Variants in OR6C74 observed in about 807,000 individuals in gnomAD.
OR6C74 encodes olfactory receptor family 6 subfamily C member 74, also known as olfactory receptor 6C74.
For synonymous variants in OR6C74, 142 were observed against 134.2 expected, an observed-to-expected ratio of 1.06 and a Z score of -0.40; for missense variants, 361 against 362.9, an observed-to-expected ratio of 0.99 and a Z score of 0.04.
At position 55,251,162 on chromosome 12, in the gene OR6C74, T is replaced by C. The variant is rs1954308989; in HGVS notation, c.*2936T>C. Among the ~76,000 whole-genome samples the C allele has an allele frequency of 6.6e-6, 1 of 152,200 alleles. No homozygotes were observed. Among genetic ancestry groups the C allele is most frequent in the Middle Eastern group, 3.4e-3 (1 of 294 alleles). Reference sequence around the variant, plus strand: ...GATGTAACCACACTAAACAACTAAGTATATTGCAAAACTTGTGTGCTGTCA... The same window carrying C: ...GATGTAACCACACTAAACAACTAAGCATATTGCAAAACTTGTGTGCTGTCA... On this transcript the variant is annotated 3_prime_UTR_variant, in exon 2 of 2. Transcript: ENST00000343399.
At position 55,255,212 on chromosome 12, in the gene OR6C74, CTGAT is replaced by C. The variant is rs544839380; in HGVS notation, c.*6989_*6992del. ...CAGGATTTCACAGTTGTGTTACAGA[CTGAT>C]TGTGTCTGCTCTACCCATGGAGCCC... On this transcript the variant is annotated 3_prime_UTR_variant, in exon 2 of 2. Transcript: ENST00000343399. 2.8e-3 allele frequency among the ~76,000 whole-genome samples: 427 copies of C among 152,178 alleles called. 2 individuals carry two copies. The highest frequency in any genetic ancestry group is 9.7e-3 in the African/African-American group (404 of 41,550).
In OR6C74 at chr12:55,250,296, G is replaced by A. The variant is rs187530904; in HGVS notation, c.*2070G>A. ...AACTCTAAGCTCAGCTCTTTTTAAAGTCTAATATATAGGTAAATCCATAAA... is the reference window on the plus strand; with the variant it reads ...AACTCTAAGCTCAGCTCTTTTTAAAATCTAATATATAGGTAAATCCATAAA... On this transcript the variant is annotated 3_prime_UTR_variant, in exon 2 of 2. Transcript: ENST00000343399. Among the ~76,000 whole-genome samples the A allele has an allele frequency of 1.2e-4, 19 of 152,082 alleles. No individual in the cohort carries two copies. The highest frequency in any genetic ancestry group is 4.6e-4 in the African/African-American group (19 of 41,494).
chr12:55,247,684 A>C lies in OR6C74; in HGVS notation c.397A>C (p.Ile133Leu). ...CTGCAAACCCCTGCATTACACCACC[A>C]TCATGAGCAGCAGAGTTTGCAGCTT... ...AICKPLHYTTIMSSRVCSLLV... is the reference protein window; with the variant it reads ...AICKPLHYTTLMSSRVCSLLV... Residue 133 changes from isoleucine (I) to leucine (L), a missense_variant, in exon 2 of 2, where the codon ATC (isoleucine) becomes CTC (leucine). Coordinates refer to ENST00000343399, the MANE Select transcript of OR6C74 (RefSeq NM_001005490.2). The C allele has an allele frequency of 6.2e-7, 1 of 1,614,106 alleles. No individual in the cohort carries two copies. The highest frequency in any genetic ancestry group is 8.5e-7 in the Non-Finnish European group (1 of 1,180,002).
rs1028538948 is a variant in OR6C74 at position 55,255,596 on chromosome 12, T to C, written c.*7370T>C. Among the ~76,000 whole-genome samples, 4 of 152,132 alleles carry C rather than the reference T, an allele frequency of 2.6e-5. No homozygotes were observed. The highest frequency in any genetic ancestry group is 5.9e-5 in the Non-Finnish European group (4 of 68,022). ...AAGAAAATGTGGTACATATACACCA[T>C]GGAACACTATAAAATATACATCCAT... On this transcript the variant is annotated 3_prime_UTR_variant, in exon 2 of 2. Transcript: ENST00000343399.
At chr12:55,246,311 T>A (rs143644262) in intron 1 of OR6C74, among the ~76,000 whole-genome samples, 288 of 152,308 alleles carry the variant, frequency 1.9e-3, no homozygotes, top group Middle Eastern at 0.01. Flanking sequence ...TGCAGAGCAG[T>A]GACACTAATG....
rs758538521 is a variant in OR6C74, at chr12:55,253,728, T to C, written c.*5502T>C. Among the ~76,000 whole-genome samples the C allele has an allele frequency of 1.8e-4, 28 of 152,096 alleles. No individual in the cohort carries two copies. Among genetic ancestry groups the C allele is most frequent in the Non-Finnish European group, 3.5e-4 (24 of 67,970 alleles). On this transcript the variant is annotated 3_prime_UTR_variant, in exon 2 of 2. Transcript: ENST00000343399. ...TGTTTCATTGATTTCACTGTACGAT[T>C]TTCTTGGGAAAGGACCACATATCTA...
In OR6C74 at chr12:55,255,866, G is replaced by A. The variant is rs368987520; in HGVS notation, c.*7640G>A. Among the ~76,000 whole-genome samples the A allele has an allele frequency of 1.7e-4, 26 of 152,070 alleles. No homozygotes were observed. Among genetic ancestry groups the A allele is most frequent in the Admixed American group, 5.9e-4 (9 of 15,260 alleles). On this transcript the variant is annotated 3_prime_UTR_variant, in exon 2 of 2. Transcript: ENST00000343399. The stretch of plus-strand genomic sequence containing the variant: ...TGGTAGAGATAAATTTATAGAGAAA[G>A]TAACATATCAGTGGTTGCCAGGACT...
Position 55,248,047 on chromosome 12 carries a change from A to G in OR6C74, c.760A>G (p.Ile254Val). The G allele has an allele frequency of 1.2e-6, 2 of 1,614,122 alleles. No individual in the cohort carries two copies. Among genetic ancestry groups the G allele is most frequent in the Non-Finnish European group, 1.7e-6 (2 of 1,179,996 alleles). The change falls in exon 2 of 2, where the codon ATC becomes GTC. Residue 254 changes from isoleucine (I) to valine (V), a missense_variant. Transcript: ENST00000343399. The part of the protein sequence containing the change: ...VVVSISYGSC[I>V]FMYVKPSAKE... ...CGTGTCCATTTCTTATGGCAGCTGCATCTTCATGTATGTGAAACCCTCAGC... is the reference window on the plus strand; with the variant it reads ...CGTGTCCATTTCTTATGGCAGCTGCGTCTTCATGTATGTGAAACCCTCAGC...
rs539231084 is a variant in OR6C74 at position 55,250,009 on chromosome 12, G to C, written c.*1783G>C. On this transcript the variant is annotated 3_prime_UTR_variant, in exon 2 of 2. Transcript: ENST00000343399. ...CTATGAGTGACAACATGCGGTGTTT[G>C]GTTTTTTGTCCTTGCGATAGCTTGC... Among the ~76,000 whole-genome samples, 36 of 151,990 alleles carry C rather than the reference G, an allele frequency of 2.4e-4. No individual in the cohort carries two copies. The highest frequency in any genetic ancestry group is 4.3e-4 in the Non-Finnish European group (29 of 67,980).
chr12:55,245,214 A>G (rs1954263204), intron 1 of OR6C74, among the ~76,000 whole-genome samples: 1 of 152,138 alleles, frequency 6.6e-6, no homozygotes, highest in African/African-American at 2.4e-5. Context: ...AGTGTGTTAT[A>G]AGAAAGCTTT....
rs922702358 is a variant in OR6C74, at chr12:55,249,231, A to G, written c.*1005A>G. On this transcript the variant is annotated 3_prime_UTR_variant, in exon 2 of 2. Coordinates refer to ENST00000343399, the MANE Select transcript of OR6C74 (RefSeq NM_001005490.2). ...AGTGGTTTGAACATTAAAATTAGAT[A>G]TAATGACTGATCATGTGCAGAGTAT... is the stretch of plus-strand genomic sequence containing the variant. Among the ~76,000 whole-genome samples, 9 of 152,156 alleles carry G rather than the reference A, an allele frequency of 5.9e-5. No homozygotes were observed. The highest frequency in any genetic ancestry group is 2.2e-4 in the African/African-American group (9 of 41,436).
Position 55,255,850 on chromosome 12 carries a change from T to C in OR6C74, c.*7624T>C, listed in dbSNP as rs118042071. ...CATTTATATAATATTCTGGTAGAGA[T>C]AAATTTATAGAGAAAGTAACATATC... On this transcript the variant is annotated 3_prime_UTR_variant, in exon 2 of 2. Coordinates refer to ENST00000343399, the MANE Select transcript of OR6C74 (RefSeq NM_001005490.2). Among the ~76,000 whole-genome samples the C allele has an allele frequency of 6.5e-3, 991 of 152,218 alleles. 5 individuals are homozygous for C. Among genetic ancestry groups the C allele is most frequent in the Admixed American group, 0.011 (166 of 15,280 alleles).
rs561870586 is a variant in OR6C74 at position 55,249,628 on chromosome 12, T to G, written c.*1402T>G. On this transcript the variant is annotated 3_prime_UTR_variant, in exon 2 of 2. Coordinates refer to ENST00000343399, the MANE Select transcript of OR6C74 (RefSeq NM_001005490.2). ...CAAATAGACTTTTCAATAGTGGTCA[T>G]GTATGTGTAAATGGTTTTTATAATA... Among the ~76,000 whole-genome samples, 2 of 152,106 alleles carry G rather than the reference T, an allele frequency of 1.3e-5. No homozygotes were observed. The highest frequency in any genetic ancestry group is 4.8e-5 in the African/African-American group (2 of 41,434).
Position 55,252,627 on chromosome 12 carries a change from T to C in OR6C74, c.*4401T>C, listed in dbSNP as rs1037622078. ...GAATTTCAAACAGTCAATTTCCAAA[T>C]TTCTCTTTTAATTCAACTTTCTTTT... is the stretch of plus-strand genomic sequence containing the variant. On this transcript the variant is annotated 3_prime_UTR_variant, in exon 2 of 2. Coordinates refer to ENST00000343399, the MANE Select transcript of OR6C74 (RefSeq NM_001005490.2). Among the ~76,000 whole-genome samples the C allele has an allele frequency of 6.6e-6, 1 of 151,936 alleles. No individual in the cohort carries two copies. The highest frequency in any genetic ancestry group is 6.6e-5 in the Admixed American group (1 of 15,234).
chr12:55,245,370 A>G (rs1211903339), intron 1 of OR6C74, among the ~76,000 whole-genome samples: 1 of 152,154 alleles, frequency 6.6e-6, no homozygotes, highest in Non-Finnish European at 1.5e-5. Context: ...TAGTCTTTGT[A>G]AACATTGTGA....
Position 55,247,314 on chromosome 12 carries a change from C to G in OR6C74, c.27C>G (p.Asn9Lys). ...TGAGAAACCATACAACAGTAGCAAA[C>G]TTTATTCTTCTTGGACTGACAGATG... Reference protein sequence around the residue: MRNHTTVANFILLGLTDDP... With the variant: MRNHTTVAKFILLGLTDDP... The change falls in exon 2 of 2, where the codon AAC becomes AAG. Residue 9 changes from asparagine (N) to lysine (K), a missense_variant. Asn to Lys is a moderately conservative substitution (Grantham distance 94). Coordinates refer to ENST00000343399, the MANE Select transcript of OR6C74 (RefSeq NM_001005490.2). 1.2e-6 allele frequency: 2 copies of G among 1,606,526 alleles called. No homozygotes were observed. The highest frequency in any genetic ancestry group is 1.7e-6 in the Non-Finnish European group (2 of 1,174,924).
rs187024630 is a variant in OR6C74, at chr12:55,249,568, A to G, written c.*1342A>G. The stretch of plus-strand genomic sequence containing the variant: ...GCTTTAAATATATATATATCTAAAT[A>G]AATATTAACAGGGCACTGAGAAGCT... On this transcript the variant is annotated 3_prime_UTR_variant, in exon 2 of 2. Transcript: ENST00000343399. 6.6e-6 allele frequency among the ~76,000 whole-genome samples: 1 copy of G among 152,092 alleles called. No individual in the cohort carries two copies. The highest frequency in any genetic ancestry group is 1.5e-5 in the Non-Finnish European group (1 of 67,998).
Position 55,252,543 on chromosome 12 carries a change from G to A in OR6C74, c.*4317G>A, listed in dbSNP as rs1954318165. On this transcript the variant is annotated 3_prime_UTR_variant, in exon 2 of 2. Coordinates refer to ENST00000343399, the MANE Select transcript of OR6C74 (RefSeq NM_001005490.2). ...ATGTTTTCAAGTTTTCTAATGAGTA[G>A]ATGAGTATTTTTATATTTAATGAGT... is the stretch of plus-strand genomic sequence containing the variant. Among the ~76,000 whole-genome samples, 1 of 151,806 alleles carries A rather than the reference G, an allele frequency of 6.6e-6. No homozygotes were observed. The highest frequency in any genetic ancestry group is 1.5e-5 in the Non-Finnish European group (1 of 67,860).
rs1005072125 is a variant in OR6C74 at position 55,250,967 on chromosome 12, A to G, written c.*2741A>G. On this transcript the variant is annotated 3_prime_UTR_variant, in exon 2 of 2. Coordinates refer to ENST00000343399, the MANE Select transcript of OR6C74 (RefSeq NM_001005490.2). ...GCCTTTGATCTCTAACTCATCCTCC[A>G]CATTGCTAGTAGGATACTTTCTAAA... 6.6e-6 allele frequency among the ~76,000 whole-genome samples: 1 copy of G among 152,026 alleles called. No homozygotes were observed. Among genetic ancestry groups the G allele is most frequent in the Non-Finnish European group, 1.5e-5 (1 of 67,974 alleles).
Sources: allele counts gnomAD v4.1 joint callset (sites outside exome capture counted in the v4.1 genomes callset), GRCh38; gene constraint gnomAD v4.1.1; transcripts MANE v1.5; gene names NCBI Gene and HGNC (gene_info 2026-07-23, HGNC 2026-07-21).